IL1RAPL2: variants seen among roughly 807,000 people sequenced by gnomAD.
IL1RAPL2 encodes interleukin 1 receptor accessory protein like 2.
In IL1RAPL2, 3 loss-of-function variants were observed where a neutral mutation model predicts 44.1. The ratio of observed to expected loss-of-function variants is 0.07; its 90% CI spans 0.03 to 0.18. IL1RAPL2 has a LOEUF of 0.18. Among genes scored for constraint, IL1RAPL2 ranks in the 10% least tolerant of loss-of-function variants. The pLI is 1.00. For synonymous variants in IL1RAPL2, 181 were observed against 178.8 expected, an observed-to-expected ratio of 1.01 and a Z score of -0.10; for missense variants, 391 against 496.4, an observed-to-expected ratio of 0.79 and a Z score of 2.02.
chrX:105,097,279 A>G (rs1397919793), intron 2 of IL1RAPL2, among the ~76,000 whole-genome samples: 1 of 100,670 alleles, frequency 9.9e-6, no homozygotes, highest in Non-Finnish European at 2.0e-5. Context: ...GTGAGCCGAC[A>G]TCGCACCACT....
At chrX:104,983,654 GTACATAATATA>G (rs1185600937) in intron 2 of IL1RAPL2, among the ~76,000 whole-genome samples, 1 of 93,547 alleles carries the variant, frequency 1.1e-5, no homozygotes, top group Non-Finnish European at 2.1e-5. Context: ...ATAATATTAT[GTACATAATATA>G]TACATAATAT....
At chrX:104,859,363 G>T (rs1159245867) in intron 2 of IL1RAPL2, among the ~76,000 whole-genome samples, 1 of 109,763 alleles carries the variant, frequency 9.1e-6, no homozygotes, top group African/African-American at 3.3e-5. Flanking sequence ...GTGTGCTAAA[G>T]CAAGGTCAGA....
intron 2 of IL1RAPL2, among the ~76,000 whole-genome samples, chrX:105,128,213 T>G (rs1296330512): frequency 1.8e-5 from 2 of 110,484 alleles, no homozygotes; most frequent in Admixed American, 9.7e-5. Context: ...ATCTCCTCTT[T>G]GCCTTAAGAC....
intron 2 of IL1RAPL2, among the ~76,000 whole-genome samples, chrX:104,900,229 C>G (rs1205102398): frequency 8.9e-6 from 1 of 111,776 alleles, no homozygotes; most frequent in African/African-American, 3.3e-5. Context: ...TTTGCTATCA[C>G]TTTGAATTTG....
rs2035974871 is a variant in IL1RAPL2 at position 105,447,464 on chromosome X, TATAAATATAA to T, written c.698-36835_698-36826del. On this transcript the variant is annotated intron_variant, in intron 5 of 10. Transcript: ENST00000372582. The stretch of plus-strand genomic sequence containing the variant: ...GTATATAAATATAAATAAACATAAA[TATAAATATAA>T]ATAAATATAAATATATAAACTTAAA... 4.1e-5 allele frequency among the ~76,000 whole-genome samples: 3 copies of T among 72,884 alleles called. No individual in the cohort carries two copies. In the Admixed American group the frequency reaches 7.1e-4, roughly 17 times the overall value. The allele number at this position is 72,884 out of a possible 115,157, so 63.3% of individuals were successfully genotyped here.
intron 2 of IL1RAPL2, among the ~76,000 whole-genome samples, chrX:105,036,214 G>A (rs1325881711): frequency 8.9e-6 from 1 of 111,850 alleles, no homozygotes; most frequent in Non-Finnish European, 1.9e-5. Flanking sequence ...CAGCACCCAA[G>A]AACACAGACC....
chrX:105,605,762 T>G (rs1761893965), intron 6 of IL1RAPL2, among the ~76,000 whole-genome samples: 1 of 110,215 alleles, frequency 9.1e-6, no homozygotes, highest in African/African-American at 3.3e-5. Flanking sequence ...CATAGACAAA[T>G]AGAACAGAAT....
intron 5 of IL1RAPL2, among the ~76,000 whole-genome samples, chrX:105,367,848 A>G (rs73525353): frequency 0.013 from 1,475 of 110,866 alleles, 22 homozygotes; most frequent in African/African-American, 0.045. Context: ...TTATTTTTTC[A>G]TATATTTTCA....
chrX:105,342,250 G>A (rs2035077118), intron 5 of IL1RAPL2, among the ~76,000 whole-genome samples: 1 of 109,997 alleles, frequency 9.1e-6, no homozygotes, highest in Non-Finnish European at 1.9e-5. Context: ...CGTGGCACAT[G>A]TATACATATG....
At chrX:105,046,243 T>C (rs1307944165) in intron 2 of IL1RAPL2, among the ~76,000 whole-genome samples, 2 of 111,585 alleles carry the variant, frequency 1.8e-5, no homozygotes, top group African/African-American at 6.5e-5. Flanking sequence ...GAAAAATAGA[T>C]GGAAAGCAAA....
chrX:105,380,540 G>A (rs1012152692), intron 5 of IL1RAPL2, among the ~76,000 whole-genome samples: 1 of 111,470 alleles, frequency 9.0e-6, no homozygotes, highest in African/African-American at 3.3e-5. Flanking sequence ...AGTTAAAAAA[G>A]CAGCTTGTAA....
rs143465553 is a variant in IL1RAPL2, at chrX:104,889,307, C to T, written c.82+230312C>T. On this transcript the variant is annotated intron_variant, in intron 2 of 10. Transcript: ENST00000372582. ...CAAAAGGTTCCTAGTCGATACAAAA[C>T]GGTGTTTTCTCCAATGGGAAAATAG... 6.5e-3 allele frequency among the ~76,000 whole-genome samples: 725 copies of T among 111,647 alleles called. 4 individuals are homozygous for T. The highest frequency in any genetic ancestry group is 0.022 in the African/African-American group (682 of 30,738).
intron 5 of IL1RAPL2, among the ~76,000 whole-genome samples, chrX:105,311,488 T>C (rs1278639487): frequency 9.2e-6 from 1 of 109,091 alleles, no homozygotes; most frequent in Non-Finnish European, 1.9e-5. Flanking sequence ...GGGATTATAA[T>C]ATGTATATTT....
intron 2 of IL1RAPL2, among the ~76,000 whole-genome samples, chrX:105,081,988 A>G (rs1275937189): frequency 8.9e-6 from 1 of 111,929 alleles, no homozygotes; most frequent in African/African-American, 3.2e-5. Context: ...TGCTGGCTTC[A>G]TAAAATGAGT....
chrX:105,494,435 AG>A lies in IL1RAPL2; in HGVS notation c.772+10049del, dbSNP rs747305367. ...AGGCAGATTTTATGGATGAACTTGT[AG>A]AAAATTGAGTAAGCTATTATCTTGC... On this transcript the variant is annotated intron_variant, in intron 6 of 10. Transcript: ENST00000372582. Among the ~76,000 whole-genome samples, 154 of 112,219 alleles carry A rather than the reference AG, an allele frequency of 1.4e-3. 1 individual carries two copies. Among genetic ancestry groups the A allele is most frequent in the African/African-American group, 4.8e-3 (148 of 30,991 alleles).
At chrX:105,448,261 T>C (rs973878944) in intron 5 of IL1RAPL2, among the ~76,000 whole-genome samples, 16 of 110,443 alleles carry the variant, frequency 1.4e-4, no homozygotes, top group African/African-American at 5.3e-4. Context: ...CTTCTTGTAC[T>C]TGAATGCTGA....
chrX:104,620,639 CAAAAAAAAAA>C (rs771769782), intron 1 of IL1RAPL2, among the ~76,000 whole-genome samples: 335 of 14,544 alleles, frequency 0.023, 2 homozygotes, highest in Non-Finnish European at 0.036. Context: ...GAGTCTGTCT[CAAAAAAAAAA>C]AAAAAAAAAA....
chrX:105,078,455 C>G (rs1356375705), intron 2 of IL1RAPL2, among the ~76,000 whole-genome samples: 1 of 111,999 alleles, frequency 8.9e-6, no homozygotes, highest in Non-Finnish European at 1.9e-5. Context: ...TTGGGGGTGC[C>G]TCCCAGTTAG....
chrX:104,819,076 C>T (rs1921228841), intron 2 of IL1RAPL2, among the ~76,000 whole-genome samples: 2 of 112,024 alleles, frequency 1.8e-5, no homozygotes, highest in Admixed American at 1.9e-4. Flanking sequence ...AATGAAAGGC[C>T]TTGGTGAGCA....
Sources: gnomAD v4.1 joint callset for allele counts (sites outside exome capture counted in the v4.1 genomes callset) on GRCh38, gnomAD v4.1.1 for gene constraint, MANE v1.5 for transcripts, NCBI Gene and HGNC (gene_info 2026-07-23, HGNC 2026-07-21) for gene names.